MYT1L: variants seen among roughly 807,000 people sequenced by gnomAD.
MYT1L encodes myelin transcription factor 1-like protein.
In MYT1L, 12 loss-of-function variants were observed where a neutral mutation model predicts 126.7. That is an observed-to-expected ratio of 0.09 (90% CI 0.06 to 0.15). MYT1L has a LOEUF of 0.15. MYT1L is among the 10% of genes least tolerant of loss of function. The pLI is 1.00. For synonymous variants in MYT1L, 541 were observed against 604.2 expected, an observed-to-expected ratio of 0.90 and a Z score of 1.53; for missense variants, 979 against 1,585.2, an observed-to-expected ratio of 0.62 and a Z score of 6.49.
chr2:1,818,313 C>G (rs1438290562), intron 21 of MYT1L, among the ~76,000 whole-genome samples: 1 of 152,140 alleles, frequency 6.6e-6, no homozygotes, highest in African/African-American at 2.4e-5. Flanking sequence ...GTGGGAAGAG[C>G]CCAGCCAGGT....
chr2:2,250,560 CAAA>C (rs1230829158), intron 2 of MYT1L, among the ~76,000 whole-genome samples: 2 of 90,754 alleles, frequency 2.2e-5, no homozygotes, highest in African/African-American at 4.1e-5. Context: ...TGAAAGGGTA[CAAA>C]AAAAAAAAAA....
chr2:2,071,465 G>C (rs976220182), intron 3 of MYT1L, among the ~76,000 whole-genome samples: 2 of 152,174 alleles, frequency 1.3e-5, no homozygotes, highest in African/African-American at 2.4e-5. Flanking sequence ...CAAACAACTG[G>C]ATGAGTACCA....
chr2:2,071,299 G>C (rs748523493), intron 3 of MYT1L, among the ~76,000 whole-genome samples: 8 of 152,130 alleles, frequency 5.3e-5, no homozygotes, highest in Non-Finnish European at 1.0e-4. Flanking sequence ...TTAATAATGA[G>C]ATTAGGATAA....
intron 2 of MYT1L, among the ~76,000 whole-genome samples, chr2:2,215,905 A>C (rs1007715761): frequency 1.3e-5 from 2 of 152,176 alleles, no homozygotes; most frequent in Non-Finnish European, 2.9e-5. Context: ...TGTTCGGGTC[A>C]TAGGGGTGGA....
chr2:2,144,379 T>A (rs2084543384), intron 3 of MYT1L, among the ~76,000 whole-genome samples: 1 of 152,176 alleles, frequency 6.6e-6, no homozygotes, highest in South Asian at 2.1e-4. Context: ...GGCTTGGCCA[T>A]CTGTATGGCT....
chr2:2,090,300 A>G (rs1441528360), intron 3 of MYT1L, among the ~76,000 whole-genome samples: 1 of 152,220 alleles, frequency 6.6e-6, no homozygotes, highest in Non-Finnish European at 1.5e-5. Flanking sequence ...CCAGACCACC[A>G]CAATAAAGGG....
intron 2 of MYT1L, among the ~76,000 whole-genome samples, chr2:2,230,556 A>G (rs1395860288): frequency 2.6e-5 from 4 of 152,216 alleles, no homozygotes; most frequent in African/African-American, 9.6e-5. Flanking sequence ...GAGCTCTGCC[A>G]TCGCCACTGG....
At chr2:2,074,359 G>A (rs2074978933) in intron 3 of MYT1L, among the ~76,000 whole-genome samples, 3 of 152,204 alleles carry the variant, frequency 2.0e-5, no homozygotes, top group African/African-American at 7.2e-5. Context: ...CAAACTGACT[G>A]GCTGCCTTAA....
At chr2:2,122,872 T>TGTGTGTGTGTGTGTGTGAGAGA (rs553951630) in intron 3 of MYT1L, among the ~76,000 whole-genome samples, 1 of 132,992 alleles carries the variant, frequency 7.5e-6, no homozygotes, top group Non-Finnish European at 1.6e-5. Flanking sequence ...TGTGTGTGTG[T>TGTGTGTGTGTGTGTGTGAGAGA]GAGAGAGAGA....
At chr2:1,905,959 C>T (rs1245487371) in intron 13 of MYT1L, among the ~76,000 whole-genome samples, 2 of 152,166 alleles carry the variant, frequency 1.3e-5, no homozygotes, top group Non-Finnish European at 2.9e-5. Context: ...AGTCCTTGCT[C>T]TCTTCCTAAA....
intron 21 of MYT1L, among the ~76,000 whole-genome samples, chr2:1,832,223 TC>T (rs2040290303): frequency 6.6e-6 from 1 of 152,100 alleles, no homozygotes; most frequent in African/African-American, 2.4e-5. Context: ...GCCTGCTCTC[TC>T]CCTGCCTTGT....
intron 18 of MYT1L, among the ~76,000 whole-genome samples, chr2:1,873,294 AT>A (rs1473678460): frequency 6.6e-6 from 1 of 152,214 alleles, no homozygotes; most frequent in Non-Finnish European, 1.5e-5. Flanking sequence ...ATGTTAAACT[AT>A]TTTTATTTTA....
chr2:2,262,929 TATAACCTGTG>T (rs1279875370), intron 2 of MYT1L, among the ~76,000 whole-genome samples: 2 of 94,652 alleles, frequency 2.1e-5, no homozygotes, highest in African/African-American at 8.7e-5. Flanking sequence ...TATATATATA[TATAACCTGTG>T]ATATATATAT....
intron 3 of MYT1L, among the ~76,000 whole-genome samples, chr2:2,133,730 G>A (rs758864863): frequency 1.3e-4 from 20 of 152,074 alleles, no homozygotes; most frequent in African/African-American, 2.4e-4. Context: ...ACATGTCCCC[G>A]TCTAAAGGTG....
Position 1,806,239 on chromosome 2 carries a change from CTTGGACT to C in MYT1L, c.3172+2830_3172+2836del, listed in dbSNP as rs1037980310. On this transcript the variant is annotated intron_variant, in intron 22 of 24. Coordinates refer to ENST00000647738, the MANE Select transcript of MYT1L (RefSeq NM_001303052.2). This position sits in a 1 kb window ranked among gnomAD's most constrained non-coding sequence, Gnocchi z 4.9. ...CGACAGCCCCAGGCATCAGCACACA[CTTGGACT>C]TAGGAAGACCCACTTCCACCACCTG... Among the ~76,000 whole-genome samples the C allele has an allele frequency of 3.9e-5, 6 of 152,214 alleles. No homozygotes were observed. The highest frequency in any genetic ancestry group is 1.4e-4 in the African/African-American group (6 of 41,456).
intron 21 of MYT1L, among the ~76,000 whole-genome samples, chr2:1,833,454 T>C (rs1444730454): frequency 1.3e-5 from 2 of 152,194 alleles, no homozygotes; most frequent in Admixed American, 6.5e-5. Context: ...CTTCCTGTCC[T>C]GAGCTGTCCG....
intron 21 of MYT1L, chr2:1,827,675 G>T (rs1262677413): frequency 6.6e-6 from 1 of 152,194 alleles, no homozygotes; most frequent in Non-Finnish European, 1.5e-5. Context: ...TCAGTGCAGA[G>T]CAACTGGAAC....
At chr2:1,993,315 C>A (rs908274805) in intron 5 of MYT1L, among the ~76,000 whole-genome samples, 2 of 152,190 alleles carry the variant, frequency 1.3e-5, no homozygotes, top group East Asian at 1.9e-4. Flanking sequence ...ATTGGGCAGC[C>A]GCTGCTGTCT....
At chr2:2,072,944 G>C (rs996687572) in intron 3 of MYT1L, among the ~76,000 whole-genome samples, 6 of 152,150 alleles carry the variant, frequency 3.9e-5, no homozygotes, top group African/African-American at 1.4e-4. Flanking sequence ...ATGGACCAAT[G>C]CAAACTCCAA....
Sources: allele counts gnomAD v4.1 joint callset (sites outside exome capture counted in the v4.1 genomes callset), GRCh38; gene constraint gnomAD v4.1.1; non-coding constraint Gnocchi (gnomAD v3.1); transcripts MANE v1.5; gene names NCBI Gene and HGNC (gene_info 2026-07-23, HGNC 2026-07-21).